Variants in SORCS1 observed in about 807,000 individuals in gnomAD.
SORCS1 encodes the protein VPS10 domain-containing receptor SorCS1.
SORCS1 carries 60 observed loss-of-function variants against 146.1 expected under a neutral mutation model. The observed-to-expected ratio is 0.41, with a 90% confidence interval of 0.33 to 0.51. SORCS1 has a LOEUF of 0.51. Among genes scored for constraint, SORCS1 ranks in the 20% least tolerant of loss-of-function variants. SORCS1 has a pLI of 0.21. For synonymous variants in SORCS1, 637 were observed against 584.0 expected, an observed-to-expected ratio of 1.09 and a Z score of -1.31; for missense variants, 1,352 against 1,487.6, an observed-to-expected ratio of 0.91 and a Z score of 1.50.
At chr10:106,776,960 C>T (rs1037515635) in intron 3 of SORCS1, among the ~76,000 whole-genome samples, 5 of 152,116 alleles carry the variant, frequency 3.3e-5, no homozygotes, top group Non-Finnish European at 7.4e-5. Context: ...TTTTAGGGGA[C>T]TCTTTGTTTT....
At chr10:106,801,914 C>A (rs1426896760) in intron 3 of SORCS1, among the ~76,000 whole-genome samples, 1 of 152,140 alleles carries the variant, frequency 6.6e-6, no homozygotes, top group African/African-American at 2.4e-5. Context: ...TGATAAGTGG[C>A]CAAACCAGGA....
intron 19 of SORCS1, among the ~76,000 whole-genome samples, 181 bp downstream of exon 19, chr10:106,629,021 A>G (rs1848270786): frequency 6.6e-6 from 1 of 152,162 alleles, no homozygotes. Flanking sequence ...GATTAATCAA[A>G]TTCTACTCTT....
At chr10:106,579,126 T>A in intron 25 of SORCS1, 1 of 1,614,112 alleles carries the variant, frequency 6.2e-7, no homozygotes. Flanking sequence ...ATCTATAAGC[T>A]GGCCAGGCCT....
intron 17 of SORCS1, among the ~76,000 whole-genome samples, chr10:106,656,026 G>C (rs533415783): frequency 6.6e-6 from 1 of 152,322 alleles, no homozygotes; most frequent in South Asian, 2.1e-4. Context: ...AAGAAGAAAA[G>C]TGCTTTGTAA....
chr10:107,128,933 T>A (rs1216036199), intron 1 of SORCS1, among the ~76,000 whole-genome samples: 1 of 152,226 alleles, frequency 6.6e-6, no homozygotes, highest in Non-Finnish European at 1.5e-5. Flanking sequence ...AACTTCTTAA[T>A]AAGAGGTCTG....
At chr10:107,166,351 C>T (rs141554281), upstream of SORCS1, among the ~76,000 whole-genome samples, 6 of 152,288 alleles carry the variant, frequency 3.9e-5, no homozygotes, top group East Asian at 9.6e-4. Context: ...CAATCCAATC[C>T]AGAGAGGTGT....
rs1034029577 is a variant in SORCS1 at position 106,626,323 on chromosome 10, T to C, written c.2662+2879A>G. Among the ~76,000 whole-genome samples the C allele has an allele frequency of 7.9e-5, 12 of 152,240 alleles. No homozygotes were observed. The South Asian group carries it at 8.3e-4, about 11-fold the overall frequency. On this transcript the variant is annotated intron_variant, in intron 19 of 25. Coordinates refer to ENST00000263054, the MANE Select transcript of SORCS1 (RefSeq NM_052918.5). The stretch of plus-strand genomic sequence containing the variant: ...CCAGGGTACCATATATTTTGCTTGA[T>C]GGGACTTTTGGGAACGAGATGTGCA...
chr10:106,583,478 T>C (rs1413617024), intron 24 of SORCS1, among the ~76,000 whole-genome samples: 1 of 152,184 alleles, frequency 6.6e-6, no homozygotes, highest in Non-Finnish European at 1.5e-5. Flanking sequence ...CCCCAGGCAC[T>C]GCTTTCCCTG....
intron 2 of SORCS1, among the ~76,000 whole-genome samples, chr10:106,927,027 A>T (rs1953077981): frequency 6.6e-6 from 1 of 152,152 alleles, no homozygotes; most frequent in Admixed American, 6.6e-5. Flanking sequence ...TTGTCACCAC[A>T]GTTTTTTGGA....
intron 3 of SORCS1, among the ~76,000 whole-genome samples, chr10:106,809,210 T>C (rs1258642535): frequency 2.0e-5 from 3 of 151,580 alleles, no homozygotes. Flanking sequence ...AGGTATACAA[T>C]AAAAATAAAT....
chr10:107,096,029 T>C (rs1018993267), intron 1 of SORCS1, among the ~76,000 whole-genome samples: 6 of 152,178 alleles, frequency 3.9e-5, no homozygotes, highest in African/African-American at 1.2e-4. Flanking sequence ...AAACCCTCAC[T>C]GTTTATTCCC....
At chr10:106,816,433 G>A (rs923583143) in intron 3 of SORCS1, among the ~76,000 whole-genome samples, 30 of 152,202 alleles carry the variant, frequency 2.0e-4, no homozygotes, top group African/African-American at 7.2e-4. Context: ...AGTGCCTGAT[G>A]TCCCACATGC....
chr10:106,963,921 A>C (rs933705812), intron 1 of SORCS1, among the ~76,000 whole-genome samples: 6 of 152,242 alleles, frequency 3.9e-5, no homozygotes, highest in African/African-American at 1.4e-4. Context: ...ACGAAATATG[A>C]GGAAAAAAGA....
chr10:106,881,946 C>T (rs896691313), intron 2 of SORCS1, among the ~76,000 whole-genome samples: 6 of 152,222 alleles, frequency 3.9e-5, no homozygotes, highest in Non-Finnish European at 7.3e-5. Context: ...CCTAGGATCT[C>T]TGAGGGCAAG....
intron 24 of SORCS1, among the ~76,000 whole-genome samples, chr10:106,587,761 A>T (rs1288691792): frequency 6.6e-6 from 1 of 152,232 alleles, no homozygotes; most frequent in Non-Finnish European, 1.5e-5. Context: ...GACAAAGGAC[A>T]GTTTTCCTGA....
chr10:106,600,260 T>A (rs903011158), intron 23 of SORCS1: 14 of 902,730 alleles, frequency 1.6e-5, no homozygotes, highest in Non-Finnish European at 1.7e-5. Context: ...TACAACATTG[T>A]TTCATTGGCT....
chr10:106,665,808 T>C (rs1279655149), intron 17 of SORCS1, among the ~76,000 whole-genome samples: 1 of 152,076 alleles, frequency 6.6e-6, no homozygotes, highest in African/African-American at 2.4e-5. Context: ...GCCCAGATAT[T>C]TGGTCAAATG....
chr10:107,037,859 C>T (rs529685674), intron 1 of SORCS1, among the ~76,000 whole-genome samples: 1 of 152,312 alleles, frequency 6.6e-6, no homozygotes, highest in South Asian at 2.1e-4. Context: ...CTAGGACTCA[C>T]TCTGTTGCCA....
chr10:107,063,197 G>T (rs2134127626), intron 1 of SORCS1, among the ~76,000 whole-genome samples: 1 of 152,308 alleles, frequency 6.6e-6, no homozygotes, highest in Admixed American at 6.5e-5. Flanking sequence ...GTAAGGAAAA[G>T]CATCAACATG....
Sources: allele counts gnomAD v4.1 joint callset (sites outside exome capture counted in the v4.1 genomes callset), GRCh38; gene constraint gnomAD v4.1.1; transcripts MANE v1.5; gene names NCBI Gene and HGNC (gene_info 2026-07-23, HGNC 2026-07-21).